Variants in CEP192 observed in about 807,000 individuals in gnomAD.
CEP192 encodes the protein centrosomal protein of 192 kDa.
In CEP192, 151 loss-of-function variants were observed where a neutral mutation model predicts 271.8. The ratio of observed to expected loss-of-function variants is 0.56; its 90% CI spans 0.49 to 0.64. CEP192 has a LOEUF of 0.64. Among genes scored for constraint, CEP192 ranks in the 30% least tolerant of loss-of-function variants. The probability of loss-of-function intolerance (pLI) is 0.00; values close to 1 mark genes in which losing one functional copy is unlikely to be tolerated. For synonymous variants in CEP192, 995 were observed against 1,076.5 expected, an observed-to-expected ratio of 0.92 and a Z score of 1.48; for missense variants, 2,910 against 3,020.5, an observed-to-expected ratio of 0.96 and a Z score of 0.86.
In CEP192 at chr18:13,087,202, GA is replaced by G. The variant is rs1458546890; in HGVS notation, c.5808del (p.Val1937PhefsTer8). The G allele has an allele frequency of 6.2e-7, 1 of 1,613,678 alleles. No individual in the cohort carries two copies. Among genetic ancestry groups the G allele is most frequent in the Non-Finnish European group, 8.5e-7 (1 of 1,179,802 alleles). On this transcript the variant is annotated frameshift_variant, in exon 31 of 45. Coordinates refer to ENST00000506447, the MANE Select transcript of CEP192 (RefSeq NM_032142.4). LOFTEE classifies it high-confidence loss of function. ...VKAVGFKDSQ[K>X]KVLLDPKVLR... ...AAGCAGTAGGTTTTAAGGATTCTCA[GA>G]AAAAAGTTTTGCTGGATCCTAAAGT...
Position 13,087,284 on chromosome 18 carries a change from A to T in CEP192, c.5877+7A>T. On this transcript the variant is annotated splice_region_variant and intron_variant, in intron 31 of 44. Transcript: ENST00000506447. ...CAAGGAAAGAACACAAGAAGTAAGT[A>T]CAAAAGTTTCTGTGCTAAAAACATC... The T allele has an allele frequency of 6.3e-7, 1 of 1,584,078 alleles. No individual in the cohort carries two copies. Among genetic ancestry groups the T allele is most frequent in the Non-Finnish European group, 8.6e-7 (1 of 1,160,928 alleles).
intron 4 of CEP192, 76 bp from the exon 5 acceptor site, chr18:13,012,897 C>A: frequency 1.4e-6 from 1 of 731,106 alleles, no homozygotes; most frequent in Non-Finnish European, 2.3e-6. Flanking sequence ...ATATTTCTTG[C>A]TATTTTTAGG....
Position 13,068,414 on chromosome 18 carries a change from G to C in CEP192, c.4814G>C (p.Ser1605Thr). 6.2e-7 allele frequency: 1 copy of C among 1,609,876 alleles called. No homozygotes were observed. The highest frequency in any genetic ancestry group is 1.1e-5 in the South Asian group (1 of 90,516). ...TTCCATAGTCCAAAGAAACAGATCA[G>C]CTCTTCAGGTATCATGTTTACACTG... is the stretch of plus-strand genomic sequence containing the variant. The part of the protein sequence containing the change: ...VLFHSPKKQI[S>T]SSDILDSAEE... Residue 1605 changes from serine (S) to threonine (T), a missense_variant, in exon 24 of 45, where the codon AGC (serine) becomes ACC (threonine). Physicochemically the swap from Ser to Thr is moderately conservative, Grantham distance 58. Transcript: ENST00000506447.
chr18:13,048,120 T>C (rs1486677960), intron 15 of CEP192, among the ~76,000 whole-genome samples: 7 of 152,220 alleles, frequency 4.6e-5, no homozygotes, highest in African/African-American at 1.7e-4. Context: ...TTCCACAGTT[T>C]TGCCTCCTTC....
intron 11 of CEP192, among the ~76,000 whole-genome samples, chr18:13,036,905 C>A (rs2035950505): frequency 6.6e-6 from 1 of 152,226 alleles, no homozygotes; most frequent in East Asian, 1.9e-4. Context: ...TGATGAAATT[C>A]CACCAGCATT....
intron 12 of CEP192, among the ~76,000 whole-genome samples, chr18:13,038,155 A>T (rs745833324): frequency 7.2e-5 from 11 of 152,150 alleles, no homozygotes; most frequent in Non-Finnish European, 1.3e-4. Context: ...CGTGTGTATT[A>T]TAACTCAAGT....
chr18:13,091,818 A>G (rs2039161309), intron 33 of CEP192, among the ~76,000 whole-genome samples: 1 of 152,174 alleles, frequency 6.6e-6, no homozygotes, highest in African/African-American at 2.4e-5. Flanking sequence ...GAATAGTTCT[A>G]GTTTCTAGAT....
In CEP192 at chr18:13,000,091, C is replaced by CTCTCTCT. The variant is rs1555698196; in HGVS notation, c.164+504_164+505insCTCTCTT. Among the ~76,000 whole-genome samples, 53 of 76,740 alleles carry CTCTCTCT rather than the reference C, an allele frequency of 6.9e-4. 3 individuals carry two copies. The highest frequency in any genetic ancestry group is 2.2e-3 in the African/African-American group (51 of 23,486). 50.3% of individuals were successfully genotyped at this position (76,740 alleles called of 152,430 possible). A position where few individuals can be genotyped will look rare whatever the true frequency, so the allele number is the denominator to read the frequency against. On this transcript the variant is annotated intron_variant, in intron 2 of 44. Transcript: ENST00000506447. ...CTCTGTATAACTCATTGTCTTCTCTCTTTTTTTTTTTTTTTTTTTTTTTTT... is the reference window on the plus strand; with the variant it reads ...CTCTGTATAACTCATTGTCTTCTCTCTCTCTCTTTTTTTTTTTTTTTTTTTTTTTTTT...
intron 9 of CEP192, among the ~76,000 whole-genome samples, chr18:13,021,476 G>A (rs1338168958): frequency 6.6e-6 from 1 of 152,168 alleles, no homozygotes; most frequent in Non-Finnish European, 1.5e-5. Context: ...CTATTTGTCT[G>A]TCTTTTTGAC....
At position 13,091,148 on chromosome 18, in the gene CEP192, G is replaced by A. The variant is rs552394338; in HGVS notation, c.6104-1229G>A. The stretch of plus-strand genomic sequence containing the variant: ...TCACTTAGAATGAGATGATTCTTGA[G>A]GTATACTTGAAGAAAGAGGAGGAGT... On this transcript the variant is annotated intron_variant, in intron 33 of 44. Transcript: ENST00000506447. Among the ~76,000 whole-genome samples, 4 of 152,304 alleles carry A rather than the reference G, an allele frequency of 2.6e-5. No homozygotes were observed. In the South Asian group the frequency reaches 8.3e-4, roughly 32 times the overall value.
chr18:13,008,023 G>A lies in CEP192; in HGVS notation c.291-433G>A, dbSNP rs2034089820. Among the ~76,000 whole-genome samples, 5 of 152,216 alleles carry A rather than the reference G, an allele frequency of 3.3e-5. No individual in the cohort carries two copies. The South Asian group carries it at 8.3e-4, about 25-fold the overall frequency. On this transcript the variant is annotated intron_variant, in intron 3 of 44. Coordinates refer to ENST00000506447, the MANE Select transcript of CEP192 (RefSeq NM_032142.4). ...ACAGCAGAGGTAGAAAGAAAGATAAGGACAAGAACTAGGACTAGGGATAAA... is the reference window on the plus strand; with the variant it reads ...ACAGCAGAGGTAGAAAGAAAGATAAAGACAAGAACTAGGACTAGGGATAAA...
At chr18:13,007,409 T>G (rs1237265152) in intron 3 of CEP192, among the ~76,000 whole-genome samples, 1 of 152,162 alleles carries the variant, frequency 6.6e-6, no homozygotes, top group Non-Finnish European at 1.5e-5. Flanking sequence ...TGCTCTCAAC[T>G]GTCCCTGTCA....
At chr18:13,055,703 A>G (rs992100480) in intron 18 of CEP192, 77 bp from the exon 19 acceptor site, 2 of 1,042,904 alleles carry the variant, frequency 1.9e-6, no homozygotes. Flanking sequence ...TTGTTACTTG[A>G]GCTTTTGCCA....
chr18:13,099,025 C>T (rs374917632), intron 36 of CEP192, among the ~76,000 whole-genome samples: 6 of 152,028 alleles, frequency 3.9e-5, no homozygotes, highest in African/African-American at 1.2e-4. Flanking sequence ...CAAAAAAATA[C>T]GAAAACCAGT....
intron 4 of CEP192, among the ~76,000 whole-genome samples, chr18:13,010,898 C>A (rs1210455650): frequency 6.6e-6 from 1 of 151,626 alleles, no homozygotes; most frequent in African/African-American, 2.4e-5. Flanking sequence ...TGAAAATATA[C>A]CCAGTATCAT....
intron 44 of CEP192, among the ~76,000 whole-genome samples, chr18:13,123,518 C>T (rs1440951499): frequency 6.6e-6 from 1 of 152,188 alleles, no homozygotes; most frequent in African/African-American, 2.4e-5. Flanking sequence ...AGGACAGATG[C>T]TGGAAACCGA....
chr18:13,046,529 T>C (rs1235343755), intron 15 of CEP192, among the ~76,000 whole-genome samples: 3 of 152,122 alleles, frequency 2.0e-5, no homozygotes, highest in African/African-American at 7.2e-5. Flanking sequence ...ATGATTCCAA[T>C]TTTCTCCTCT....
chr18:13,010,364 T>C (rs1219886860), intron 4 of CEP192, among the ~76,000 whole-genome samples: 3 of 152,154 alleles, frequency 2.0e-5, no homozygotes, highest in African/African-American at 7.2e-5. Context: ...TGTTGTAAGA[T>C]TGATGAATGA....
chr18:13,021,954 A>G (rs1568293443), intron 9 of CEP192, among the ~76,000 whole-genome samples: 1 of 152,094 alleles, frequency 6.6e-6, no homozygotes, highest in Non-Finnish European at 1.5e-5. Context: ...CTGATCTTGT[A>G]CCTTCTAGAT....
Sources: allele counts gnomAD v4.1 joint callset (sites outside exome capture counted in the v4.1 genomes callset), GRCh38; gene constraint gnomAD v4.1.1; transcripts MANE v1.5; gene names NCBI Gene and HGNC (gene_info 2026-07-23, HGNC 2026-07-21).